CCDC178: variants seen among roughly 807,000 people sequenced by gnomAD.
The protein encoded by CCDC178 is coiled-coil domain-containing protein 178.
CCDC178 carries 126 observed loss-of-function variants against 117.4 expected under a neutral mutation model. The ratio of observed to expected loss-of-function variants is 1.07; its 90% CI spans 0.93 to 1.24. CCDC178 has a LOEUF of 1.24. CCDC178 is among the 50% of genes most tolerant of loss of function. CCDC178 has a pLI of 0.00. For synonymous variants in CCDC178, 283 were observed against 313.4 expected, an observed-to-expected ratio of 0.90 and a Z score of 1.02; for missense variants, 1,030 against 986.9, an observed-to-expected ratio of 1.04 and a Z score of -0.59.
At chr18:32,984,434 T>C (rs573204865) in intron 21 of CCDC178, among the ~76,000 whole-genome samples, 54 of 152,082 alleles carry the variant, frequency 3.6e-4, no homozygotes, top group African/African-American at 1.1e-3. Flanking sequence ...TTCATCTTTT[T>C]TCACATTTAA....
At chr18:33,070,814 G>A (rs961655775) in intron 21 of CCDC178, among the ~76,000 whole-genome samples, 3 of 151,746 alleles carry the variant, frequency 2.0e-5, no homozygotes, top group African/African-American at 7.3e-5. Context: ...AATACAAATT[G>A]GTTAAAATCA....
intron 21 of CCDC178, among the ~76,000 whole-genome samples, chr18:33,016,539 C>T (rs2055994727): frequency 6.6e-6 from 1 of 151,748 alleles, no homozygotes; most frequent in South Asian, 2.1e-4. Flanking sequence ...ATTTAAAAGA[C>T]AATTGAATAA....
chr18:33,179,975 ATCTGTTTTTTATAACACCAAAT>A (rs1181639054), intron 20 of CCDC178, among the ~76,000 whole-genome samples: 1 of 151,984 alleles, frequency 6.6e-6, no homozygotes, highest in African/African-American at 2.4e-5. Context: ...CGCTGCAAAT[ATCTGTTTTTTATAACACCAAAT>A]TATGGGACTT....
intron 20 of CCDC178, among the ~76,000 whole-genome samples, chr18:33,192,675 C>T (rs2249016): frequency 0.16 from 24,366 of 151,544 alleles, 2,688 homozygotes; most frequent in African/African-American, 0.32. Flanking sequence ...CCGAGGTGGG[C>T]GGATCACCTG....
chr18:33,112,880 A>G (rs1416315040), intron 20 of CCDC178, among the ~76,000 whole-genome samples: 2 of 151,978 alleles, frequency 1.3e-5, no homozygotes, highest in Non-Finnish European at 2.9e-5. Context: ...GGAAAATCAA[A>G]AGAGATTCAT....
At chr18:33,233,767 G>A (rs930735131) in intron 15 of CCDC178, among the ~76,000 whole-genome samples, 1 of 152,016 alleles carries the variant, frequency 6.6e-6, no homozygotes, top group Non-Finnish European at 1.5e-5. Context: ...TTTAAGAGAT[G>A]AGAAACCTAG....
intron 20 of CCDC178, among the ~76,000 whole-genome samples, chr18:33,164,196 C>T (rs1368784623): frequency 6.8e-6 from 1 of 146,624 alleles, no homozygotes; most frequent in Non-Finnish European, 1.5e-5. Flanking sequence ...CAACCTCCAC[C>T]TCCCAGGTTT....
At chr18:33,423,419 C>A (rs1265513839) in intron 2 of CCDC178, among the ~76,000 whole-genome samples, 2 of 152,104 alleles carry the variant, frequency 1.3e-5, no homozygotes, top group African/African-American at 4.8e-5. Context: ...TAGGTGTATT[C>A]ATGTCACCAC....
At chr18:33,110,608 AT>A (rs1247522219) in intron 20 of CCDC178, among the ~76,000 whole-genome samples, 1 of 151,606 alleles carries the variant, frequency 6.6e-6, no homozygotes, top group East Asian at 1.9e-4. Flanking sequence ...TTTTAAAAAA[AT>A]ATTTAGATAT....
chr18:33,280,889 T>C (rs923564730), intron 12 of CCDC178, among the ~76,000 whole-genome samples: 4 of 151,892 alleles, frequency 2.6e-5, no homozygotes, highest in Admixed American at 6.6e-5. Context: ...CACTCATAGA[T>C]GGGAATTGAA....
chr18:33,356,196 C>A, intron 7 of CCDC178, 128 bp downstream of exon 7: 1 of 925,160 alleles, frequency 1.1e-6, no homozygotes, highest in South Asian at 1.8e-5. Context: ...AAATATATTG[C>A]AATATCTATT....
chr18:33,183,980 T>A (rs562393349), intron 20 of CCDC178, among the ~76,000 whole-genome samples: 15 of 152,186 alleles, frequency 9.9e-5, no homozygotes, highest in African/African-American at 3.6e-4. Context: ...CTGTTCTCTA[T>A]CTATGTTTAC....
chr18:33,234,829 G>C (rs557247032), intron 15 of CCDC178, among the ~76,000 whole-genome samples: 1 of 152,154 alleles, frequency 6.6e-6, no homozygotes, highest in South Asian at 2.1e-4. Context: ...CTCCAGATTC[G>C]ACATGCTATA....
At chr18:33,328,082 GATTTTTTTTTTTTTTTTTTTT>G (rs370402331) in intron 10 of CCDC178, 62,837 of 245,778 alleles carry the variant, frequency 0.26, 6,538 homozygotes, top group East Asian at 0.48. Flanking sequence ...TTTATCCCTA[GATTTTTTTTTTTTTTTTTTTT>G]TTTTTTTTTT....
intron 21 of CCDC178, among the ~76,000 whole-genome samples, chr18:33,087,291 A>T (rs2057393829): frequency 6.6e-6 from 1 of 152,200 alleles, no homozygotes; most frequent in Non-Finnish European, 1.5e-5. Context: ...AATATTGGCC[A>T]GCAATAAACT....
chr18:33,209,454 C>A (rs1477435002), intron 20 of CCDC178, among the ~76,000 whole-genome samples: 1 of 151,922 alleles, frequency 6.6e-6, no homozygotes, highest in Non-Finnish European at 1.5e-5. Flanking sequence ...GTGATCAATT[C>A]TTTTGCCCAA....
At chr18:33,078,037 A>G (rs1308946362) in intron 21 of CCDC178, among the ~76,000 whole-genome samples, 1 of 152,146 alleles carries the variant, frequency 6.6e-6, no homozygotes, top group Non-Finnish European at 1.5e-5. Context: ...ACTCCTTAAC[A>G]AAATACTTGC....
intron 12 of CCDC178, among the ~76,000 whole-genome samples, chr18:33,280,836 A>G (rs1244619376): frequency 1.3e-5 from 2 of 152,196 alleles, no homozygotes; most frequent in Non-Finnish European, 2.9e-5. Context: ...CATCATTCTC[A>G]GTAAACTATC....
At chr18:32,942,449 C>A (rs2144591346) in intron 22 of CCDC178, among the ~76,000 whole-genome samples, 1 of 151,998 alleles carries the variant, frequency 6.6e-6, no homozygotes, top group Admixed American at 6.6e-5. Context: ...ACATACAAGG[C>A]CAAAAGTGGA....
Sources: gnomAD v4.1 joint callset for allele counts (sites outside exome capture counted in the v4.1 genomes callset) on GRCh38, gnomAD v4.1.1 for gene constraint, MANE v1.5 for transcripts, NCBI Gene and HGNC (gene_info 2026-07-23, HGNC 2026-07-21) for gene names.